The following PAX7 variants were observed in gnomAD, a reference collection of about 807,000 sequenced individuals.
The protein encoded by PAX7 is paired box 7.
In PAX7, 18 loss-of-function variants were observed where a neutral mutation model predicts 50.7. The observed-to-expected ratio is 0.36, with a 90% CI of 0.25 to 0.53. The LOEUF (loss-of-function observed/expected upper bound fraction) is 0.53. Among genes scored for constraint, PAX7 ranks in the 20% least tolerant of loss-of-function variants. The probability of loss-of-function intolerance (pLI) is 0.93; values close to 1 mark genes in which losing one functional copy is unlikely to be tolerated. For synonymous variants in PAX7, 310 were observed against 290.4 expected, an observed-to-expected ratio of 1.07 and a Z score of -0.69; for missense variants, 644 against 702.9, an observed-to-expected ratio of 0.92 and a Z score of 0.95.
Position 18,634,261 on chromosome 1 carries a change from C to A in PAX7, c.86-42C>A. On this transcript the variant is annotated intron_variant, in intron 1 of 8. Coordinates refer to ENST00000420770, the MANE Select transcript of PAX7 (RefSeq NM_001135254.2). This position sits in a 1 kb window ranked among gnomAD's most constrained non-coding sequence, Gnocchi z 4.0. ...ACTCAGTGTCTGCTCTCCATCCTCA[C>A]CCTGCACCTCTCTCCTTCTGCATCT... 1.3e-6 allele frequency: 2 copies of A among 1,523,332 alleles called. No individual in the cohort carries two copies. The highest frequency in any genetic ancestry group is 1.2e-5 in the South Asian group (1 of 86,088). 94.4% of individuals were successfully genotyped at this position (1,523,332 alleles called of 1,614,324 possible).
chr1:18,727,565 G>A (rs2089590957), intron 7 of PAX7, among the ~76,000 whole-genome samples: 1 of 152,134 alleles, frequency 6.6e-6, no homozygotes, highest in Non-Finnish European at 1.5e-5. Flanking sequence ...GTGATTCTGG[G>A]TGAGCCGCTA....
Position 18,700,183 on chromosome 1 carries a change from C to T in PAX7, c.787-470C>T, listed in dbSNP as rs1033091922. ...GGCCTCAGTCTCCAGAGAAAGAACC[C>T]GGCTTGCACATCTGGGTCTGAAGTG... On this transcript the variant is annotated intron_variant, in intron 5 of 8. Coordinates refer to ENST00000420770, the MANE Select transcript of PAX7 (RefSeq NM_001135254.2). The surrounding 1 kb of genome is among the most constrained non-coding windows in gnomAD (Gnocchi z 4.8). Among the ~76,000 whole-genome samples the T allele has an allele frequency of 6.6e-6, 1 of 151,810 alleles. No individual in the cohort carries two copies. The highest frequency in any genetic ancestry group is 1.5e-5 in the Non-Finnish European group (1 of 67,980).
intron 8 of PAX7, among the ~76,000 whole-genome samples, chr1:18,738,479 A>G (rs1930924648): frequency 6.6e-6 from 1 of 152,122 alleles, no homozygotes. Flanking sequence ...CTAGGAGGCG[A>G]GAAAGGAGGG....
intron 8 of PAX7, among the ~76,000 whole-genome samples, chr1:18,737,853 G>A (rs1930870511): frequency 6.6e-6 from 1 of 152,250 alleles, no homozygotes. Context: ...ATGTCAATAT[G>A]TAGATAGGTA....
intron 8 of PAX7, among the ~76,000 whole-genome samples, chr1:18,736,576 A>C (rs543456184): frequency 6.6e-6 from 1 of 152,218 alleles, no homozygotes; most frequent in South Asian, 2.1e-4. Context: ...ATTCATATAT[A>C]ATTATTGAGA....
At chr1:18,665,838 T>A (rs2088661296) in intron 4 of PAX7, among the ~76,000 whole-genome samples, 1 of 151,924 alleles carries the variant, frequency 6.6e-6, no homozygotes, top group East Asian at 2.0e-4. Flanking sequence ...CCTGACTGAT[T>A]TTTTTGTATT....
intron 7 of PAX7, among the ~76,000 whole-genome samples, chr1:18,716,265 G>A (rs553400827): frequency 5.3e-5 from 8 of 152,152 alleles, no homozygotes; most frequent in African/African-American, 9.6e-5. Context: ...GCCTGGGTGC[G>A]CCCTAATTCC....
intron 4 of PAX7, among the ~76,000 whole-genome samples, chr1:18,671,038 T>C (rs1028169704): frequency 6.6e-6 from 1 of 152,034 alleles, no homozygotes; most frequent in African/African-American, 2.4e-5. Flanking sequence ...CAGCACCCCA[T>C]ACCCCCTCGC....
Position 18,680,605 on chromosome 1 carries a change from C to T in PAX7, c.587-11149C>T, listed in dbSNP as rs112853705. Among the ~76,000 whole-genome samples the T allele has an allele frequency of 2.8e-3, 422 of 152,244 alleles. 3 individuals carry two copies. Among genetic ancestry groups the T allele is most frequent in the African/African-American group, 9.6e-3 (400 of 41,542 alleles). The stretch of plus-strand genomic sequence containing the variant: ...CAGATTCCGAACTCAAACCCAGGTC[C>T]GTCTGACCTCACTGCCTCTACTCTT... On this transcript the variant is annotated intron_variant, in intron 4 of 8. Transcript: ENST00000420770.
intron 7 of PAX7, among the ~76,000 whole-genome samples, chr1:18,721,394 G>C (rs1036428179): frequency 6.6e-6 from 1 of 152,196 alleles, no homozygotes; most frequent in Non-Finnish European, 1.5e-5. Flanking sequence ...GTGCAGCGCA[G>C]GGACTGAGCT....
At chr1:18,657,751 G>T (rs1472952906) in intron 4 of PAX7, among the ~76,000 whole-genome samples, 1 of 152,052 alleles carries the variant, frequency 6.6e-6, no homozygotes, top group Non-Finnish European at 1.5e-5. Context: ...AGTGTCTGCT[G>T]GCTCTCTCTC....
At chr1:18,712,514 A>G (rs916448324) in intron 7 of PAX7, among the ~76,000 whole-genome samples, 1 of 152,206 alleles carries the variant, frequency 6.6e-6, no homozygotes, top group Non-Finnish European at 1.5e-5. Flanking sequence ...CCCTCCCGGA[A>G]AGAAAGGCTA....
intron 4 of PAX7, among the ~76,000 whole-genome samples, chr1:18,642,824 G>C (rs1158113787): frequency 3.9e-5 from 6 of 152,038 alleles, no homozygotes; most frequent in Admixed American, 3.9e-4. Context: ...TTAGTAGATA[G>C]ATGTCTCCAA....
chr1:18,691,718 G>T (rs2089072387), intron 4 of PAX7, 36 bp from the exon 5 acceptor site: 4 of 1,544,752 alleles, frequency 2.6e-6, no homozygotes, highest in Non-Finnish European at 3.5e-6. Flanking sequence ...ATCTCTCTAA[G>T]CCCCTGCCTT....
At chr1:18,643,220 G>A (rs2088285487) in intron 4 of PAX7, among the ~76,000 whole-genome samples, 1 of 152,184 alleles carries the variant, frequency 6.6e-6, no homozygotes, top group African/African-American at 2.4e-5. Context: ...GGGGCACTGG[G>A]GCCGCCGCGG....
chr1:18,707,700 C>T (rs372255647), intron 7 of PAX7, among the ~76,000 whole-genome samples: 2 of 152,144 alleles, frequency 1.3e-5, no homozygotes, highest in South Asian at 2.1e-4. Flanking sequence ...GTTAGGATTA[C>T]AGGCATGAGC....
At chr1:18,689,308 G>T (rs1213015987) in intron 4 of PAX7, among the ~76,000 whole-genome samples, 1 of 152,174 alleles carries the variant, frequency 6.6e-6, no homozygotes, top group Non-Finnish European at 1.5e-5. Context: ...GTTGTATTTG[G>T]CTCTGAGCCC....
chr1:18,710,548 T>C (rs923363390), intron 7 of PAX7, among the ~76,000 whole-genome samples: 6 of 151,800 alleles, frequency 4.0e-5, no homozygotes, highest in African/African-American at 9.7e-5. Flanking sequence ...TAGCCCAGAA[T>C]TTAAAAAAAA....
rs1000370760 is a variant in PAX7, at chr1:18,733,107, G to T, written c.1156-2525G>T. Reference sequence around the variant, plus strand: ...AAAGGTCTAGACTGAGAACCCCAGGGTAGACTCAGATTCCTGAGTCTGCCC... The same window carrying T: ...AAAGGTCTAGACTGAGAACCCCAGGTTAGACTCAGATTCCTGAGTCTGCCC... On this transcript the variant is annotated intron_variant, in intron 7 of 8. Transcript: ENST00000420770. 2.0e-5 allele frequency among the ~76,000 whole-genome samples: 3 copies of T among 151,750 alleles called. No individual in the cohort carries two copies. The East Asian group carries it at 5.9e-4, about 30-fold the overall frequency.
Sources: allele counts gnomAD v4.1 joint callset (sites outside exome capture counted in the v4.1 genomes callset), GRCh38; gene constraint gnomAD v4.1.1; non-coding constraint Gnocchi (gnomAD v3.1); transcripts MANE v1.5; gene names NCBI Gene and HGNC (gene_info 2026-07-23, HGNC 2026-07-21).